The following IRAK3 variants were observed in gnomAD, a reference collection of about 807,000 sequenced individuals.
The protein encoded by IRAK3 is interleukin-1 receptor-associated kinase 3.
IRAK3 carries 57 observed loss-of-function variants against 56.6 expected under a neutral mutation model. The ratio of observed to expected loss-of-function variants is 1.01; its 90% CI spans 0.81 to 1.26. The LOEUF is 1.26. IRAK3 is among the 50% of genes most tolerant of loss of function. The pLI, the probability that IRAK3 is intolerant of heterozygous loss-of-function variation, is 0.00. For missense variants in IRAK3, 703 were observed against 719.0 expected (o/e 0.98, Z 0.25); for synonymous variants, 258 against 255.7 (o/e 1.01, Z -0.09).
intron 8 of IRAK3, among the ~76,000 whole-genome samples, chr12:66,242,491 G>C (rs560019360): frequency 6.6e-6 from 1 of 152,344 alleles, no homozygotes; most frequent in South Asian, 2.1e-4. Context: ...GAGAAAGTAA[G>C]AGTGGGTGAG....
intron 2 of IRAK3, among the ~76,000 whole-genome samples, chr12:66,208,608 A>G (rs1001892827): frequency 6.6e-6 from 1 of 151,600 alleles, no homozygotes; most frequent in African/African-American, 2.4e-5. Context: ...TAAAAATACA[A>G]AAATTAGCTG....
Position 66,194,107 on chromosome 12 carries a change from G to A in IRAK3, c.133+4675G>A, listed in dbSNP as rs183692594. On this transcript the variant is annotated intron_variant, in intron 1 of 11. Coordinates refer to ENST00000261233, the MANE Select transcript of IRAK3 (RefSeq NM_007199.3). The stretch of plus-strand genomic sequence containing the variant: ...CCACACCTGGCGAAGTTTTTGTATG[G>A]ATGGGGCCAGGCTGGTCTCAAACTC... Among the ~76,000 whole-genome samples, 433 of 152,134 alleles carry A rather than the reference G, an allele frequency of 2.8e-3. 2 individuals carry two copies. Among genetic ancestry groups the A allele is most frequent in the African/African-American group, 9.8e-3 (406 of 41,522 alleles).
intron 3 of IRAK3, 44 bp downstream of exon 3, chr12:66,209,564 A>C: frequency 8.5e-7 from 1 of 1,174,388 alleles, no homozygotes; most frequent in Middle Eastern, 1.9e-4. Flanking sequence ...ACTTTGTTGC[A>C]TGTATAATTG....
At chr12:66,219,416 T>G (rs971698147) in intron 6 of IRAK3, among the ~76,000 whole-genome samples, 1 of 152,250 alleles carries the variant, frequency 6.6e-6, no homozygotes, top group African/African-American at 2.4e-5. Flanking sequence ...TGCTCTGTTC[T>G]TTTGTCTGCC....
intron 8 of IRAK3, among the ~76,000 whole-genome samples, chr12:66,236,395 CAAAAAAAAA>C (rs56074285): frequency 2.7e-5 from 3 of 110,414 alleles, no homozygotes; most frequent in African/African-American, 3.7e-5. Flanking sequence ...CTAAAAATAC[CAAAAAAAAA>C]AAAAAAAAAA....
At chr12:66,235,300 C>CGGG (rs2052893602) in intron 8 of IRAK3, 1 of 1,259,176 alleles carries the variant, frequency 7.9e-7, no homozygotes, top group East Asian at 3.4e-5. Flanking sequence ...CTGCGGGCCG[C>CGGG]GGCGGCGGGC....
chr12:66,244,868 C>T (rs2053011126), intron 9 of IRAK3, 80 bp from the exon 10 acceptor site: 2 of 1,156,094 alleles, frequency 1.7e-6, no homozygotes. Flanking sequence ...GAACTATATT[C>T]ATAGTCATGG....
At chr12:66,215,150 G>A (rs1442559528) in intron 5 of IRAK3, among the ~76,000 whole-genome samples, 1 of 152,162 alleles carries the variant, frequency 6.6e-6, no homozygotes. Flanking sequence ...TTGCTCTAGA[G>A]GTGGCCAAGC....
At chr12:66,194,399 C>G (rs1032201452) in intron 1 of IRAK3, among the ~76,000 whole-genome samples, 1 of 152,206 alleles carries the variant, frequency 6.6e-6, no homozygotes, top group African/African-American at 2.4e-5. Context: ...TCACCTCCCA[C>G]CGCTCCATTG....
At chr12:66,213,992 AGAGACCTG>A (rs2052639597) in intron 5 of IRAK3, among the ~76,000 whole-genome samples, 1 of 152,194 alleles carries the variant, frequency 6.6e-6, no homozygotes, top group South Asian at 2.1e-4. Flanking sequence ...TAGCAGTTGC[AGAGACCTG>A]GAGGTGTGTG....
intron 8 of IRAK3, among the ~76,000 whole-genome samples, chr12:66,238,858 G>A (rs956806809): frequency 2.0e-5 from 3 of 152,202 alleles, no homozygotes; most frequent in African/African-American, 7.2e-5. Flanking sequence ...CTGCTTCCAG[G>A]TGGTGGAATT....
In IRAK3 at chr12:66,245,163, GA is replaced by G. The variant is rs1418268656; in HGVS notation, c.1218del (p.Val407CysfsTer26). 6.2e-7 allele frequency: 1 copy of G among 1,614,164 alleles called. No individual in the cohort carries two copies. Among genetic ancestry groups the G allele is most frequent in the South Asian group, 1.1e-5 (1 of 91,074 alleles). On this transcript the variant is annotated frameshift_variant, in exon 11 of 12. Transcript: ENST00000261233. LOFTEE classifies it high-confidence loss of function. ...ATTCATGTCTCTCATTTCTAGATAA[GA>G]AAGTGCCTCCCTGCCCTCGGAATTT... is the stretch of plus-strand genomic sequence containing the variant. ...LDSCLSFLDK[K>X]VPPCPRNFSA...
chr12:66,246,533 G>A (rs1384566450), intron 11 of IRAK3, among the ~76,000 whole-genome samples: 1 of 152,224 alleles, frequency 6.6e-6, no homozygotes, highest in African/African-American at 2.4e-5. Flanking sequence ...TGAGAGTTGT[G>A]TGGAGCCAAG....
chr12:66,250,077 T>C lies in IRAK3; in HGVS notation c.*1906T>C, dbSNP rs961546329. The C allele has an allele frequency of 1.3e-5, 2 of 152,188 alleles. No individual in the cohort carries two copies. Among genetic ancestry groups the C allele is most frequent in the South Asian group, 2.1e-4 (1 of 4,832 alleles). 9.4% of individuals were successfully genotyped at this position (152,188 alleles called of 1,614,324 possible). ...ATTAAGTTGAATTAAATTACCCCTA[T>C]GAAGCCACATAATCAATAATTCAGC... On this transcript the variant is annotated 3_prime_UTR_variant, in exon 12 of 12. Coordinates refer to ENST00000261233, the MANE Select transcript of IRAK3 (RefSeq NM_007199.3).
intron 8 of IRAK3, chr12:66,234,118 C>G: frequency 6.2e-7 from 1 of 1,614,174 alleles, no homozygotes; most frequent in Non-Finnish European, 8.5e-7. Context: ...CATTAGACGT[C>G]TCGACAGCCA....
At chr12:66,231,798 G>A (rs971015332) in intron 8 of IRAK3, among the ~76,000 whole-genome samples, 3 of 152,236 alleles carry the variant, frequency 2.0e-5, no homozygotes, top group African/African-American at 7.2e-5. Context: ...TGAGACTACA[G>A]AAGAATGAGG....
chr12:66,196,430 G>T (rs1359620080), intron 1 of IRAK3, among the ~76,000 whole-genome samples: 1 of 152,170 alleles, frequency 6.6e-6, no homozygotes, highest in Non-Finnish European at 1.5e-5. Flanking sequence ...AACAAGGGAA[G>T]AATGTGTGGG....
chr12:66,190,522 TTCCTAGAG>T (rs2052389419), intron 1 of IRAK3, among the ~76,000 whole-genome samples: 1 of 152,220 alleles, frequency 6.6e-6, no homozygotes, highest in Non-Finnish European at 1.5e-5. Context: ...ACCCGTTGAT[TTCCTAGAG>T]TTACTGACTT....
chr12:66,215,786 G>GCGCA (rs1555203499), intron 5 of IRAK3, among the ~76,000 whole-genome samples: 3 of 122,834 alleles, frequency 2.4e-5, no homozygotes, highest in African/African-American at 9.3e-5. Context: ...AACCCAACAT[G>GCGCA]CACACACACA....
Sources: allele counts gnomAD v4.1 joint callset (sites outside exome capture counted in the v4.1 genomes callset), GRCh38; gene constraint gnomAD v4.1.1; transcripts MANE v1.5; gene names NCBI Gene and HGNC (gene_info 2026-07-23, HGNC 2026-07-21).